Variants in XKR4 observed in about 807,000 individuals in gnomAD.
The protein encoded by XKR4 is XK related 4.
A neutral mutation model predicts 53.9 loss-of-function variants in XKR4; 12 were observed. The observed-to-expected ratio is 0.22, with a 90% confidence interval of 0.14 to 0.36. The LOEUF (loss-of-function observed/expected upper bound fraction) is 0.36. Among genes scored for constraint, XKR4 ranks in the 10% least tolerant of loss-of-function variants. The pLI is 1.00. For missense variants in XKR4, 799 were observed against 859.5 expected, an observed-to-expected ratio of 0.93 and a Z score of 0.88; for synonymous variants, 354 against 362.4, an observed-to-expected ratio of 0.98 and a Z score of 0.26.
chr8:55,437,197 T>TG (rs1466651700), intron 2 of XKR4, among the ~76,000 whole-genome samples: 2 of 152,178 alleles, frequency 1.3e-5, no homozygotes, highest in Admixed American at 1.3e-4. Context: ...ATATCTTTTT[T>TG]ATTTTATTCT....
chr8:55,474,489 T>G (rs1159036179), intron 2 of XKR4, among the ~76,000 whole-genome samples: 1 of 152,096 alleles, frequency 6.6e-6, no homozygotes, highest in Non-Finnish European at 1.5e-5. Context: ...ATAAATATTT[T>G]TCTAGAAAAA....
chr8:55,232,841 G>A (rs1204141591), intron 1 of XKR4, among the ~76,000 whole-genome samples: 1 of 152,088 alleles, frequency 6.6e-6, no homozygotes, highest in African/African-American at 2.4e-5. Context: ...CTGCAGCCTG[G>A]CCCACCTTCA....
At chr8:55,466,500 G>T (rs1205659331) in intron 2 of XKR4, among the ~76,000 whole-genome samples, 1 of 152,024 alleles carries the variant, frequency 6.6e-6, no homozygotes, top group African/African-American at 2.4e-5. Flanking sequence ...TGGGGGGAGG[G>T]GGAAGGGATA....
At chr8:55,156,403 C>T (rs1310332864) in intron 1 of XKR4, among the ~76,000 whole-genome samples, 1 of 101,512 alleles carries the variant, frequency 9.9e-6, no homozygotes, top group African/African-American at 3.9e-5. Flanking sequence ...ATAGTCACGG[C>T]GTAAGATGGC....
intron 1 of XKR4, among the ~76,000 whole-genome samples, chr8:55,117,146 G>C (rs1241323203): frequency 6.6e-6 from 1 of 152,138 alleles, no homozygotes; most frequent in East Asian, 1.9e-4. Flanking sequence ...CAGAAAATTA[G>C]AATTGTGTAT....
chr8:55,307,348 A>T (rs1210249285), intron 1 of XKR4, among the ~76,000 whole-genome samples: 1 of 152,190 alleles, frequency 6.6e-6, no homozygotes, highest in African/African-American at 2.4e-5. Flanking sequence ...GAAACATTTT[A>T]CTAAACAGCA....
chr8:55,463,569 G>C (rs1805699756), intron 2 of XKR4, among the ~76,000 whole-genome samples: 2 of 151,988 alleles, frequency 1.3e-5, no homozygotes, highest in Admixed American at 6.6e-5. Flanking sequence ...AAAAGAACTA[G>C]AGAAGCAAGA....
chr8:55,136,686 T>C (rs552871923), intron 1 of XKR4, among the ~76,000 whole-genome samples: 2 of 152,364 alleles, frequency 1.3e-5, no homozygotes, highest in African/African-American at 4.8e-5. Flanking sequence ...TTACTGTGGG[T>C]AAACCTGATG....
At chr8:55,253,154 T>C (rs1173021645) in intron 1 of XKR4, among the ~76,000 whole-genome samples, 1 of 152,168 alleles carries the variant, frequency 6.6e-6, no homozygotes, top group African/African-American at 2.4e-5. Context: ...AATGGAGCAT[T>C]TGGGTGATCT....
chr8:55,471,555 C>T (rs1585592862), intron 2 of XKR4, among the ~76,000 whole-genome samples: 2 of 152,226 alleles, frequency 1.3e-5, no homozygotes, highest in African/African-American at 2.4e-5. Context: ...AGGAACAGAG[C>T]TGTAAAGCAT....
intron 1 of XKR4, among the ~76,000 whole-genome samples, chr8:55,246,285 G>A (rs143789483): frequency 5.2e-4 from 79 of 152,300 alleles, no homozygotes; most frequent in African/African-American, 1.8e-3. Flanking sequence ...GCTCCTCAGT[G>A]CCTCAGGGGC....
intron 2 of XKR4, among the ~76,000 whole-genome samples, chr8:55,446,360 G>C (rs1270455718): frequency 6.6e-6 from 1 of 150,376 alleles, no homozygotes; most frequent in Non-Finnish European, 1.5e-5. Flanking sequence ...TTTTTTTTTT[G>C]ACACAGAATC....
chr8:55,365,247 A>G (rs890948470), intron 2 of XKR4, among the ~76,000 whole-genome samples: 3 of 152,200 alleles, frequency 2.0e-5, no homozygotes, highest in Admixed American at 2.0e-4. Context: ...CTGGCCCTTC[A>G]CGCACGACGT....
intron 1 of XKR4, among the ~76,000 whole-genome samples, chr8:55,271,149 G>A (rs1482271628): frequency 6.6e-6 from 1 of 151,728 alleles, no homozygotes; most frequent in East Asian, 1.9e-4. Flanking sequence ...TTACAATTAT[G>A]TTTGCCTTCT....
chr8:55,453,942 C>T (rs2975980), intron 2 of XKR4: 2 of 670,596 alleles, frequency 3.0e-6, no homozygotes, highest in South Asian at 2.9e-5. Flanking sequence ...ATCAGGAAAT[C>T]GTCCTCCACC....
At chr8:55,237,011 C>T (rs1020236469) in intron 1 of XKR4, among the ~76,000 whole-genome samples, 1 of 152,176 alleles carries the variant, frequency 6.6e-6, no homozygotes, top group Non-Finnish European at 1.5e-5. Flanking sequence ...TCCCATGTCC[C>T]CTCTGGTTGT....
At position 55,526,947 on chromosome 8, in the gene XKR4, A is replaced by G. The variant is rs1449093151; in HGVS notation, c.*2720A>G. The G allele has an allele frequency of 2.0e-5, 3 of 152,156 alleles. No homozygotes were observed. The highest frequency in any genetic ancestry group is 2.9e-5 in the Non-Finnish European group (2 of 68,030). 9.4% of individuals were successfully genotyped at this position (152,156 alleles called of 1,614,324 possible). A position where few individuals can be genotyped will look rare whatever the true frequency, so the allele number is the denominator to read the frequency against. ...ACTCTGTTATCCGACATATTTGGAG[A>G]TTATGATGTTTTAATTAGGCATGAA... On this transcript the variant is annotated 3_prime_UTR_variant, in exon 3 of 3. Coordinates refer to ENST00000327381, the MANE Select transcript of XKR4 (RefSeq NM_052898.2).
At chr8:55,171,134 T>A (rs1817150686) in intron 1 of XKR4, among the ~76,000 whole-genome samples, 2 of 152,196 alleles carry the variant, frequency 1.3e-5, no homozygotes, top group South Asian at 4.1e-4. Context: ...ATACACACTG[T>A]ACCGTGAAGA....
At chr8:55,425,167 C>T (rs962412053) in intron 2 of XKR4, among the ~76,000 whole-genome samples, 3 of 152,140 alleles carry the variant, frequency 2.0e-5, no homozygotes, top group African/African-American at 7.2e-5. Flanking sequence ...AACCTAGTGG[C>T]CTCACTGAAT....
Sources: gnomAD v4.1 joint callset for allele counts (sites outside exome capture counted in the v4.1 genomes callset) on GRCh38, gnomAD v4.1.1 for gene constraint, MANE v1.5 for transcripts, NCBI Gene and HGNC (gene_info 2026-07-23, HGNC 2026-07-21) for gene names.